The following AKAP13 variants were observed in gnomAD, a reference collection of about 807,000 sequenced individuals.
AKAP13 encodes the protein A-kinase anchoring protein 13.
Under a neutral mutation model 264.5 loss-of-function variants are expected in AKAP13, and 80 were observed. The observed-to-expected ratio is 0.30, with a 90% CI of 0.25 to 0.36. The LOEUF (loss-of-function observed/expected upper bound fraction) is 0.36, where lower values mean the gene tolerates loss of function less well. AKAP13 is among the 10% of genes least tolerant of loss of function. The pLI, the probability that AKAP13 is intolerant of heterozygous loss-of-function variation, is 1.00. For missense variants in AKAP13, 3,712 were observed against 3,435.2 expected (o/e 1.08, Z -2.01); for synonymous variants, 1,380 against 1,250.2 (o/e 1.10, Z -2.19).
In AKAP13 at chr15:85,407,092, T is replaced by G. The variant is rs936355662; in HGVS notation, c.-12+26294T>G. Among the ~76,000 whole-genome samples, 2 of 151,742 alleles carry G rather than the reference T, an allele frequency of 1.3e-5. 1 individual carries two copies. Among genetic ancestry groups the G allele is most frequent in the African/African-American group, 4.9e-5 (2 of 41,024 alleles). On this transcript the variant is annotated intron_variant, in intron 1 of 36. Coordinates refer to ENST00000394518, the MANE Select transcript of AKAP13 (RefSeq NM_007200.5). ...AGCAGAAGGAATGTGCACCAGCCAC[T>G]AGGAATGCAAAGATAATTGGGGTAT...
intron 8 of AKAP13, among the ~76,000 whole-genome samples, chr15:85,610,803 C>G (rs78448367): frequency 6.6e-6 from 1 of 151,428 alleles, no homozygotes; most frequent in East Asian, 1.9e-4. Context: ...TGGTGAAACT[C>G]CCCCGTCTCT....
intron 1 of AKAP13, among the ~76,000 whole-genome samples, chr15:85,412,396 G>A (rs935960846): frequency 4.6e-5 from 7 of 152,202 alleles, no homozygotes; most frequent in Non-Finnish European, 8.8e-5. Flanking sequence ...TGCAGAAGCA[G>A]ATAGGAGAAT....
chr15:85,408,291 TA>T (rs1468797554), intron 1 of AKAP13, among the ~76,000 whole-genome samples: 1 of 151,820 alleles, frequency 6.6e-6, no homozygotes, highest in African/African-American at 2.4e-5. Flanking sequence ...TAAAAAATGT[TA>T]ATTGTGGTAA....
chr15:85,443,038 G>T lies in AKAP13; in HGVS notation c.-11-42672G>T, dbSNP rs190364293. 1.5e-3 allele frequency among the ~76,000 whole-genome samples: 232 copies of T among 152,222 alleles called. 1 individual carries two copies. Among genetic ancestry groups the T allele is most frequent in the Admixed American group, 4.3e-3 (66 of 15,290 alleles). On this transcript the variant is annotated intron_variant, in intron 1 of 36. Coordinates refer to ENST00000394518, the MANE Select transcript of AKAP13 (RefSeq NM_007200.5). ...CCCAGTGTCACTCAGCTAGTATGTG[G>T]TAGGTTTGAAAAGTTGGGGAAAACT...
chr15:85,399,785 T>G (rs1471064376), intron 1 of AKAP13, among the ~76,000 whole-genome samples: 1 of 152,070 alleles, frequency 6.6e-6, no homozygotes, highest in Non-Finnish European at 1.5e-5. Flanking sequence ...TTGTTCTTAG[T>G]TGTCGGTTCA....
intron 20 of AKAP13, among the ~76,000 whole-genome samples, 170 bp downstream of exon 20, chr15:85,716,093 G>A (rs1597155594): frequency 6.6e-6 from 1 of 151,712 alleles, no homozygotes; most frequent in Non-Finnish European, 1.5e-5. Context: ...ATGTCATGAT[G>A]GTCATTCTGT....
At chr15:85,402,760 C>T (rs765023171) in intron 1 of AKAP13, among the ~76,000 whole-genome samples, 3 of 151,812 alleles carry the variant, frequency 2.0e-5, no homozygotes, top group Non-Finnish European at 2.9e-5. Context: ...TTAGCTCTGC[C>T]GTAAATGGTA....
chr15:85,651,241 A>T (rs2082826969), intron 10 of AKAP13, among the ~76,000 whole-genome samples: 1 of 152,200 alleles, frequency 6.6e-6, no homozygotes, highest in African/African-American at 2.4e-5. Flanking sequence ...GGCATATAGA[A>T]AATTTGGAGA....
intron 1 of AKAP13, among the ~76,000 whole-genome samples, chr15:85,477,869 C>G (rs761040874): frequency 1.3e-5 from 2 of 152,124 alleles, no homozygotes; most frequent in Non-Finnish European, 2.9e-5. Flanking sequence ...CTGGATGCCT[C>G]TTGTGACTCC....
At chr15:85,388,968 C>A (rs956606830) in intron 1 of AKAP13, among the ~76,000 whole-genome samples, 1 of 152,156 alleles carries the variant, frequency 6.6e-6, no homozygotes, top group Admixed American at 6.5e-5. Context: ...TTGCTTGTTA[C>A]ACCCCATTAC....
At chr15:85,433,838 G>A (rs1648343565) in intron 1 of AKAP13, among the ~76,000 whole-genome samples, 1 of 152,120 alleles carries the variant, frequency 6.6e-6, no homozygotes, top group Non-Finnish European at 1.5e-5. Flanking sequence ...CTACTCGGGA[G>A]GCTGAGGCAG....
chr15:85,403,581 C>T (rs1281774155), intron 1 of AKAP13, among the ~76,000 whole-genome samples: 2 of 152,178 alleles, frequency 1.3e-5, no homozygotes, highest in Non-Finnish European at 2.9e-5. Context: ...TGGCTCATGC[C>T]TGTAATCCCA....
At chr15:85,638,678 G>A (rs960325257) in intron 8 of AKAP13, among the ~76,000 whole-genome samples, 1 of 152,036 alleles carries the variant, frequency 6.6e-6, no homozygotes, top group African/African-American at 2.4e-5. Context: ...GTGGGGAAGG[G>A]GGAAGTATTT....
intron 15 of AKAP13, among the ~76,000 whole-genome samples, chr15:85,683,223 C>A (rs1226659866): frequency 6.6e-6 from 1 of 152,106 alleles, no homozygotes; most frequent in African/African-American, 2.4e-5. Flanking sequence ...ACCATTTCCC[C>A]CTTATCTTAA....
chr15:85,604,641 T>C (rs909113876), intron 8 of AKAP13, among the ~76,000 whole-genome samples: 1 of 152,078 alleles, frequency 6.6e-6, no homozygotes, highest in Non-Finnish European at 1.5e-5. Context: ...TTTTTGTATT[T>C]TTAGTAGAGA....
At chr15:85,403,412 G>A (rs1567040639) in intron 1 of AKAP13, among the ~76,000 whole-genome samples, 1 of 152,172 alleles carries the variant, frequency 6.6e-6, no homozygotes, top group Non-Finnish European at 1.5e-5. Context: ...GTGGGCATTA[G>A]TGCCACTCAC....
At chr15:85,685,301 A>G (rs1158362163) in intron 16 of AKAP13, 1 of 152,904 alleles carries the variant, frequency 6.5e-6, no homozygotes, top group African/African-American at 2.4e-5. Context: ...GCAAAGATCA[A>G]AGGATTGAAA....
Position 85,579,638 on chromosome 15 carries a change from A to C in AKAP13, c.1570A>C (p.Thr524Pro), listed in dbSNP as rs765102407. The change falls in exon 7 of 37, where the codon ACA becomes CCA. Residue 524 changes from threonine to proline, a missense_variant. Thr to Pro is a conservative substitution (Grantham distance 38, BLOSUM62 -1). This residue lies in a region of AKAP13 where 2,759 missense variants were observed against 2,411.7 expected (regional missense o/e 1.14). Transcript: ENST00000394518. ...GTAGASDVHV[T>P]SKPVDKISVP... ...AGCTGGAGCCTCTGACGTGCACGTC[A>C]CAAGTAAGCCTGTGGATAAAATCAG... The C allele has an allele frequency of 6.2e-7, 1 of 1,614,234 alleles. No homozygotes were observed. Among genetic ancestry groups the C allele is most frequent in the Admixed American group, 1.7e-5 (1 of 60,020 alleles).
At chr15:85,481,514 A>C (rs2075351638) in intron 1 of AKAP13, among the ~76,000 whole-genome samples, 1 of 152,220 alleles carries the variant, frequency 6.6e-6, no homozygotes, top group South Asian at 2.1e-4. Context: ...TGTCTCTTTT[A>C]TACAGCAGAA....
Sources: allele counts gnomAD v4.1 joint callset (sites outside exome capture counted in the v4.1 genomes callset), GRCh38; gene constraint gnomAD v4.1.1; regional missense constraint gnomAD v4.1.1; transcripts MANE v1.5; gene names NCBI Gene and HGNC (gene_info 2026-07-23, HGNC 2026-07-21).